Variants in FGF17 observed in about 807,000 individuals in gnomAD.
FGF17 encodes the protein fibroblast growth factor 17.
A neutral mutation model predicts 23.5 loss-of-function variants in FGF17; 5 were observed. The observed-to-expected ratio is 0.21, with a 90% confidence interval of 0.11 to 0.45. FGF17 has a LOEUF of 0.45. Among genes scored for constraint, FGF17 ranks in the 20% least tolerant of loss-of-function variants. FGF17 has a pLI of 0.99. For synonymous variants in FGF17, 136 were observed against 123.0 expected (o/e 1.11, Z -0.70); for missense variants, 221 against 306.9 (o/e 0.72, Z 2.09).
upstream of FGF17, among the ~76,000 whole-genome samples, chr8:22,039,775 GTGCCCTTTGCCCTC>G (rs948675131): frequency 2.0e-5 from 3 of 152,086 alleles, no homozygotes; most frequent in Non-Finnish European, 4.4e-5. Flanking sequence ...CATTGCTAGG[GTGCCCTTTGCCCTC>G]TGCCCTTTGC....
At chr8:22,047,828 A>G (rs1450473013) in intron 4 of FGF17, 128 bp from the exon 5 acceptor site, 1 of 846,354 alleles carries the variant, frequency 1.2e-6, no homozygotes, top group Non-Finnish European at 1.8e-6. Flanking sequence ...CACCAGGCAG[A>G]GTTCCCTGGG....
intron 4 of FGF17, among the ~76,000 whole-genome samples, chr8:22,047,083 G>A (rs879405462): frequency 2.0e-5 from 3 of 151,586 alleles, no homozygotes; most frequent in Admixed American, 6.6e-5. Flanking sequence ...CACGGAGCCC[G>A]GCCTGGTTTC....
At chr8:22,046,691 T>G in intron 4 of FGF17, 58 bp downstream of exon 4, 1 of 1,187,164 alleles carries the variant, frequency 8.4e-7, no homozygotes, top group South Asian at 1.2e-5. Flanking sequence ...TGGGGACATA[T>G]AGGGCATCAT....
At chr8:22,040,639 A>T (rs2129642715), upstream of FGF17, among the ~76,000 whole-genome samples, 1 of 152,360 alleles carries the variant, frequency 6.6e-6, no homozygotes, top group East Asian at 1.9e-4. Flanking sequence ...CCCCATGGAT[A>T]GAAACAGGTG....
Position 22,043,164 on chromosome 8 carries a change from C to A in FGF17, c.55C>A (p.Leu19Ile). 1 of 1,613,870 alleles carries A rather than the reference C, an allele frequency of 6.2e-7. No individual in the cohort carries two copies. The highest frequency in any genetic ancestry group is 8.5e-7 in the Non-Finnish European group (1 of 1,180,006). The change falls in exon 2 of 5, where the codon CTC becomes ATC. Residue 19 changes from leucine to isoleucine, a missense_variant. By Grantham distance (5) the Leu-to-Ile change is conservative (BLOSUM62 2). Transcript: ENST00000359441. The stretch of plus-strand genomic sequence containing the variant: ...ACACAGGTGCTTACAGCTGCTGATT[C>A]TCTGCTGTCAAACTCAGGTAGGCGG... Reference protein sequence around the residue: ...NLTLCLQLLILCCQTQGENHP... With the variant: ...NLTLCLQLLIICCQTQGENHP...
At chr8:22,040,764 C>G (rs1377676582), upstream of FGF17, among the ~76,000 whole-genome samples, 1 of 152,238 alleles carries the variant, frequency 6.6e-6, no homozygotes, top group East Asian at 1.9e-4. Flanking sequence ...TCCACCAACC[C>G]AAGGCCTGAG....
At chr8:22,042,804 G>A (rs145160603), upstream of FGF17, 3,611 of 719,534 alleles carry the variant, frequency 5.0e-3, 15 homozygotes, top group Non-Finnish European at 6.4e-3. Flanking sequence ...TCTCCTCCTC[G>A]CCCCCCTGAA....
At chr8:22,047,917 G>A (rs565463282) in intron 4 of FGF17, 39 bp from the exon 5 acceptor site, 1 of 1,578,332 alleles carries the variant, frequency 6.3e-7, no homozygotes, top group South Asian at 1.1e-5. Flanking sequence ...GACCAGGGTA[G>A]GTGGACAAAT....
rs1431229958 is a variant in FGF17, at chr8:22,046,174, G to A, written c.133G>A (p.Asp45Asn). 4 of 1,614,136 alleles carry A rather than the reference G, an allele frequency of 2.5e-6. No individual in the cohort carries two copies. The highest frequency in any genetic ancestry group is 3.4e-6 in the Non-Finnish European group (4 of 1,180,040). ...QYVRDQGAMT[D>N]QLSRRQIREY... ...CGTGAGGGACCAGGGCGCCATGACCGACCAGCTGAGCAGGCGGCAGATCCG... is the reference window on the plus strand; with the variant it reads ...CGTGAGGGACCAGGGCGCCATGACCAACCAGCTGAGCAGGCGGCAGATCCG... Residue 45 changes from aspartate to asparagine, a missense_variant, in exon 3 of 5, where the codon GAC becomes AAC. Physicochemically the swap from Asp to Asn is conservative, Grantham distance 23. This residue lies in a region of FGF17 where 58 missense variants were observed against 121.0 expected (regional missense o/e 0.48). Transcript: ENST00000359441.
chr8:22,042,823 G>A lies in FGF17; in HGVS notation c.-106G>A. On this transcript the variant is annotated 5_prime_UTR_variant, in exon 1 of 5. Transcript: ENST00000359441. ...CTCCTCGCCCCCCTGAAAACCTGTG[G>A]CTCGGAGAGACCTTGGCTTCTCTGG... The A allele has an allele frequency of 1.7e-6, 2 of 1,194,202 alleles. No homozygotes were observed. Among genetic ancestry groups the A allele is most frequent in the Non-Finnish European group, 2.4e-6 (2 of 821,656 alleles). 74.0% of individuals were successfully genotyped at this position (1,194,202 alleles called of 1,614,324 possible). A position where few individuals can be genotyped will look rare whatever the true frequency, so the allele number is the denominator to read the frequency against.
At chr8:22,044,798 G>T in intron 2 of FGF17, 1 of 985,530 alleles carries the variant, frequency 1.0e-6, no homozygotes, top group Non-Finnish European at 1.2e-6. Flanking sequence ...GTCCAGCTCT[G>T]AGAGCTGCTC....
intron 4 of FGF17, among the ~76,000 whole-genome samples, chr8:22,046,950 A>ATTTTTTTTTT (rs3038873): frequency 0.017 from 2,106 of 120,454 alleles, 95 homozygotes; most frequent in African/African-American, 0.026. Context: ...TGCCCAGCTA[A>ATTTTTTTTTT]TTTTTTTTTT....
In FGF17 at chr8:22,047,964, G is replaced by A. The variant is rs745986706; in HGVS notation, c.366G>A (p.Gly122=). 3 of 1,599,150 alleles carry A rather than the reference G, an allele frequency of 1.9e-6. No homozygotes were observed. Among genetic ancestry groups the A allele is most frequent in the Non-Finnish European group, 2.6e-6 (3 of 1,167,892 alleles). ...KRGKLIGKPS[G]KSKDCVFTEI... The stretch of plus-strand genomic sequence containing the variant: ...CCTTGCTTCTCCCGCAGCCCAGCGG[G>A]AAGAGCAAAGACTGCGTGTTCACGG... The change falls in exon 5 of 5, where the codon GGG becomes GGA. Residue 122 remains glycine (G), a synonymous_variant. Coordinates refer to ENST00000359441, the MANE Select transcript of FGF17 (RefSeq NM_003867.4).
upstream of FGF17, chr8:22,042,514 ATCGAGTTTGTCTGCG>A (rs1350809205): frequency 1.1e-5 from 3 of 275,584 alleles, no homozygotes; most frequent in Admixed American, 4.8e-5. Flanking sequence ...CCTGCCACAC[ATCGAGTTTGTCTGCG>A]TCGAGTTTGG....
Position 22,046,893 on chromosome 8 carries a change from G to A in FGF17, c.357+260G>A, listed in dbSNP as rs1165976895. 4.0e-5 allele frequency among the ~76,000 whole-genome samples: 6 copies of A among 151,046 alleles called. No individual in the cohort carries two copies. In the South Asian group the frequency reaches 6.3e-4, roughly 16 times the overall value. Reference sequence around the variant, plus strand: ...ACTCCTGGGCTCAAGCAATCCTCTCGCCTCAGCCTCTGAAGTAGTAGCTGG... The same window carrying A: ...ACTCCTGGGCTCAAGCAATCCTCTCACCTCAGCCTCTGAAGTAGTAGCTGG... On this transcript the variant is annotated intron_variant, in intron 4 of 4. Coordinates refer to ENST00000359441, the MANE Select transcript of FGF17 (RefSeq NM_003867.4).
upstream of FGF17, among the ~76,000 whole-genome samples, chr8:22,041,243 A>G (rs1273748846): frequency 1.3e-5 from 2 of 152,182 alleles, no homozygotes; most frequent in African/African-American, 4.8e-5. Context: ...TTCCCGAGGA[A>G]GAGCCTGCGG....
At chr8:22,045,706 G>C in intron 2 of FGF17, 1 of 1,111,080 alleles carries the variant, frequency 9.0e-7, no homozygotes, top group South Asian at 2.4e-5. Flanking sequence ...GCATGTCCTT[G>C]GAGTTCTGGG....
chr8:22,048,279 G>A lies in FGF17; in HGVS notation c.*30G>A. 1.3e-6 allele frequency: 2 copies of A among 1,536,474 alleles called. No homozygotes were observed. Among genetic ancestry groups the A allele is most frequent in the South Asian group, 1.2e-5 (1 of 84,900 alleles). The stretch of plus-strand genomic sequence containing the variant: ...GGAGGCAGGGGGCAGCAGCCCCTGG[G>A]CCGCCTCCCCACCCCTTTCCCTTCT... On this transcript the variant is annotated 3_prime_UTR_variant, in exon 5 of 5. Coordinates refer to ENST00000359441, the MANE Select transcript of FGF17 (RefSeq NM_003867.4). This position sits in a 1 kb window ranked among gnomAD's most constrained non-coding sequence, Gnocchi z 6.9.
upstream of FGF17, chr8:22,042,781 C>T: frequency 1.4e-6 from 1 of 709,014 alleles, no homozygotes; most frequent in South Asian, 1.7e-5. Flanking sequence ...TTCTCTCCTC[C>T]TCCTCCCCTT....
Sources: gnomAD v4.1 joint callset for allele counts (sites outside exome capture counted in the v4.1 genomes callset) on GRCh38, gnomAD v4.1.1 for gene constraint, gnomAD v4.1.1 regional missense constraint, Gnocchi (gnomAD v3.1) non-coding constraint, MANE v1.5 for transcripts, NCBI Gene and HGNC (gene_info 2026-07-23, HGNC 2026-07-21) for gene names.